CRYBA4: variants seen among roughly 807,000 people sequenced by gnomAD.
The protein encoded by CRYBA4 is beta-crystallin A4.
In CRYBA4, 30 loss-of-function variants were observed where a neutral mutation model predicts 31.7. That is an observed-to-expected ratio of 0.95 (90% confidence interval 0.71 to 1.28). The LOEUF is 1.28. CRYBA4 is among the 50% of genes most tolerant of loss of function. CRYBA4 has a pLI of 0.00. For synonymous variants in CRYBA4, 102 were observed against 102.3 expected, an observed-to-expected ratio of 1.00 and a Z score of 0.02; for missense variants, 225 against 260.7, an observed-to-expected ratio of 0.86 and a Z score of 0.94.
the CRYBA4 span, among the ~76,000 whole-genome samples, chr22:26,611,226 C>T: frequency 6.6e-6 from 1 of 152,176 alleles, no homozygotes; most frequent in Non-Finnish European, 1.5e-5. Flanking sequence ...AGACTCACCC[C>T]CTCTGAGCCT....
At position 26,623,271 on chromosome 22, in the gene CRYBA4, G is replaced by A. The variant is rs12053788; in HGVS notation, c.77G>A (p.Arg26Gln). 40 of 1,613,928 alleles carry A rather than the reference G, an allele frequency of 2.5e-5. 1 individual carries two copies. In the East Asian group the frequency reaches 7.4e-4, roughly 30 times the overall value. The change falls in exon 3 of 6, where the codon CGG becomes CAG. Residue 26 changes from arginine (R) to glutamine (Q), a missense_variant. Coordinates refer to ENST00000354760, the MANE Select transcript of CRYBA4 (RefSeq NM_001886.3). ...GATGAGGACGGCTTCCAGGGCCGGC[G>A]GCACGAGTTCACGGCCGAGTGCCCC... ...VWDEDGFQGR[R>Q]HEFTAECPSV...
chr22:26,609,315 T>C, the CRYBA4 span, among the ~76,000 whole-genome samples: 1 of 152,200 alleles, frequency 6.6e-6, no homozygotes, highest in East Asian at 1.9e-4. Context: ...CTTCCCAGAA[T>C]AGAGTTGCAT....
the CRYBA4 span, chr22:26,607,861 C>G: frequency 6.2e-7 from 1 of 1,614,032 alleles, no homozygotes; most frequent in East Asian, 2.2e-5. Flanking sequence ...CTGGCTGATT[C>G]TCCAGCCCCA....
the CRYBA4 span, chr22:26,616,195 G>T: frequency 1.9e-6 from 3 of 1,614,110 alleles, no homozygotes; most frequent in South Asian, 2.2e-5. Context: ...AGGCACGGTT[G>T]TTGGGGCCAG....
At chr22:26,628,698 C>G (rs148703540) in intron 5 of CRYBA4, among the ~76,000 whole-genome samples, 5 of 152,304 alleles carry the variant, frequency 3.3e-5, no homozygotes, top group South Asian at 2.1e-4. Context: ...TCTCTCCCCC[C>G]ACAACCCCCA....
the CRYBA4 span, chr22:26,608,007 T>C: frequency 1.9e-6 from 3 of 1,614,140 alleles, no homozygotes; most frequent in Non-Finnish European, 2.5e-6. Context: ...GTTGGACTGC[T>C]CAAAGGCGAC....
chr22:26,627,365 T>TCC (rs1602341506), intron 4 of CRYBA4, among the ~76,000 whole-genome samples: 2 of 30,006 alleles, frequency 6.7e-5, no homozygotes, highest in Non-Finnish European at 1.2e-4. Flanking sequence ...CCCTCCTTTC[T>TCC]TTCTTTCTTT....
At chr22:26,621,574 C>T (rs139793356), upstream of CRYBA4, among the ~76,000 whole-genome samples, 1 of 152,318 alleles carries the variant, frequency 6.6e-6, no homozygotes, top group Non-Finnish European at 1.5e-5. Context: ...TGTTATGTAA[C>T]CTCACAACAA....
chr22:26,607,767 C>T, the CRYBA4 span: 1 of 1,357,530 alleles, frequency 7.4e-7, no homozygotes, highest in South Asian at 1.2e-5. Context: ...CCTTTGACAA[C>T]TCGGAGGCTG....
chr22:26,616,871 G>A, the CRYBA4 span, among the ~76,000 whole-genome samples: 1 of 152,162 alleles, frequency 6.6e-6, no homozygotes, highest in African/African-American at 2.4e-5. Flanking sequence ...TAAGTGGTAG[G>A]GCTCTGATTT....
At chr22:26,611,464 TTTTTG>T in the CRYBA4 span, among the ~76,000 whole-genome samples, 179 of 136,582 alleles carry the variant, frequency 1.3e-3, no homozygotes, top group African/African-American at 4.3e-3. Context: ...GTTTTTTTTT[TTTTTG>T]TTTTTTTTTT....
chr22:26,601,272 C>T, the CRYBA4 span, among the ~76,000 whole-genome samples: 6 of 152,102 alleles, frequency 3.9e-5, no homozygotes, highest in Non-Finnish European at 8.8e-5. Flanking sequence ...CTGGCCCTTC[C>T]ATGTATTCTC....
chr22:26,630,305 CTG>C (rs768290684), intron 5 of CRYBA4, 33 bp from the exon 6 acceptor site: 23 of 1,613,616 alleles, frequency 1.4e-5, no homozygotes, highest in Non-Finnish European at 1.7e-5. Flanking sequence ...GCTGGTGTCT[CTG>C]TAGAGTAACT....
intron 4 of CRYBA4, among the ~76,000 whole-genome samples, chr22:26,626,546 T>C (rs1361892924): frequency 6.6e-6 from 1 of 152,230 alleles, no homozygotes; most frequent in East Asian, 1.9e-4. Context: ...AATCCTGCTA[T>C]GGTCAGGGTT....
chr22:26,613,855 G>A, the CRYBA4 span, among the ~76,000 whole-genome samples: 2 of 152,204 alleles, frequency 1.3e-5, no homozygotes, highest in African/African-American at 2.4e-5. Context: ...AAAGCAAATG[G>A]GAGAAATATC....
At chr22:26,621,471 C>A (rs5997109), upstream of CRYBA4, among the ~76,000 whole-genome samples, 1 of 151,984 alleles carries the variant, frequency 6.6e-6, no homozygotes. Context: ...CCTCTAACGG[C>A]AAGCCTATCT....
upstream of CRYBA4, among the ~76,000 whole-genome samples, chr22:26,620,546 T>A (rs1356932479): frequency 2.8e-5 from 4 of 144,938 alleles, no homozygotes; most frequent in Non-Finnish European, 6.0e-5. Flanking sequence ...TTCATCAAAG[T>A]CATGCATTCC....
At chr22:26,594,369 T>G in the CRYBA4 span, among the ~76,000 whole-genome samples, 15 of 152,268 alleles carry the variant, frequency 9.9e-5, no homozygotes, top group Non-Finnish European at 2.1e-4. Context: ...TCCTCCTGCC[T>G]CCACCCCACA....
In CRYBA4 at chr22:26,624,096, C is replaced by G. The variant is rs141079519; in HGVS notation, c.158+744C>G. On this transcript the variant is annotated intron_variant, in intron 3 of 5. Coordinates refer to ENST00000354760, the MANE Select transcript of CRYBA4 (RefSeq NM_001886.3). ...TAGAAGGTTCTAGAAGGTTGGAAAG[C>G]AGGTAGAAAGGAGATGTGGCCAGTA... is the stretch of plus-strand genomic sequence containing the variant. Among the ~76,000 whole-genome samples, 24 of 152,078 alleles carry G rather than the reference C, an allele frequency of 1.6e-4. 1 individual carries two copies. The highest frequency in any genetic ancestry group is 3.4e-3 in the Middle Eastern group (1 of 294).
Sources: allele counts gnomAD v4.1 joint callset (sites outside exome capture counted in the v4.1 genomes callset), GRCh38; gene constraint gnomAD v4.1.1; transcripts MANE v1.5; gene names NCBI Gene and HGNC (gene_info 2026-07-23, HGNC 2026-07-21).